Variants in APBA1 observed in about 807,000 individuals in gnomAD.
The protein encoded by APBA1 is amyloid-beta A4 precursor protein-binding family A member 1.
In APBA1, 55 loss-of-function variants were observed where a neutral mutation model predicts 86.6. The observed-to-expected ratio is 0.64, with a 90% CI of 0.51 to 0.80. The LOEUF is 0.80. Ranked by LOEUF, APBA1 falls within the 30% of genes least tolerant of loss-of-function variation. The pLI, the probability that APBA1 is intolerant of heterozygous loss-of-function variation, is 0.00. For missense variants in APBA1, 1,090 were observed against 1,183.0 expected (o/e 0.92, Z 1.15); for synonymous variants, 511 against 493.9 (o/e 1.03, Z -0.46).
intron 1 of APBA1, among the ~76,000 whole-genome samples, chr9:69,543,282 C>A (rs972996645): frequency 9.2e-4 from 5 of 5,442 alleles, no homozygotes; most frequent in African/African-American, 1.2e-3. Flanking sequence ...GATTTCCCCC[C>A]CCCCCCCCCG....
intron 1 of APBA1, among the ~76,000 whole-genome samples, chr9:69,574,456 T>C (rs753050165): frequency 6.6e-6 from 1 of 152,138 alleles, no homozygotes; most frequent in Non-Finnish European, 1.5e-5. Flanking sequence ...CTTGGATTAA[T>C]AAATTCACAT....
At chr9:69,542,943 A>C (rs984338478) in intron 1 of APBA1, among the ~76,000 whole-genome samples, 8 of 152,224 alleles carry the variant, frequency 5.3e-5, no homozygotes, top group Non-Finnish European at 8.8e-5. Flanking sequence ...CAAGTGAACC[A>C]GTTCTCGTTT....
intron 6 of APBA1, 53 bp from the exon 7 acceptor site, chr9:69,457,192 G>T: frequency 7.3e-7 from 1 of 1,369,078 alleles, no homozygotes; most frequent in Non-Finnish European, 1.0e-6. Context: ...CCCTGACCCA[G>T]ATGCAGAAGG....
chr9:69,493,979 G>GC (rs1564055058), intron 2 of APBA1, among the ~76,000 whole-genome samples: 1 of 151,290 alleles, frequency 6.6e-6, no homozygotes. Flanking sequence ...TATATGATAA[G>GC]TTTTTTTTTC....
chr9:69,435,807 T>G (rs1321257424), intron 11 of APBA1, among the ~76,000 whole-genome samples: 1 of 152,240 alleles, frequency 6.6e-6, no homozygotes, highest in African/African-American at 2.4e-5. Context: ...TAGATCCCAT[T>G]TGTCAATTAT....
chr9:69,577,909 A>C (rs1178486464), intron 1 of APBA1, among the ~76,000 whole-genome samples: 1 of 152,098 alleles, frequency 6.6e-6, no homozygotes, highest in Non-Finnish European at 1.5e-5. Flanking sequence ...CAATGCTCCC[A>C]GTGTGGCAGC....
chr9:69,481,801 C>T (rs985315692), intron 2 of APBA1, among the ~76,000 whole-genome samples: 71 of 151,832 alleles, frequency 4.7e-4, no homozygotes, highest in Non-Finnish European at 8.2e-4. Context: ...GAACAGAGCC[C>T]TCAGAAATAA....
intron 1 of APBA1, among the ~76,000 whole-genome samples, chr9:69,584,670 A>C (rs960483435): frequency 6.6e-6 from 1 of 152,244 alleles, no homozygotes; most frequent in Non-Finnish European, 1.5e-5. Context: ...AAACTTTAAC[A>C]TAGGTCCATT....
At chr9:69,620,152 A>C (rs1822787006) in intron 1 of APBA1, among the ~76,000 whole-genome samples, 1 of 152,210 alleles carries the variant, frequency 6.6e-6, no homozygotes, top group African/African-American at 2.4e-5. Flanking sequence ...TCTGGCAGTT[A>C]GTACTGGTAG....
At chr9:69,436,852 C>T (rs1232670768) in intron 11 of APBA1, among the ~76,000 whole-genome samples, 4 of 151,856 alleles carry the variant, frequency 2.6e-5, no homozygotes, top group Non-Finnish European at 5.9e-5. Flanking sequence ...CTGTCTTGTG[C>T]CAGTTTTCAA....
chr9:69,658,261 TTTC>T, intron 1 of APBA1, among the ~76,000 whole-genome samples: 1 of 20,194 alleles, frequency 5.0e-5, no homozygotes, highest in East Asian at 0.014. Flanking sequence ...TCTTTCTTTC[TTTC>T]TTTCTTTCTT....
At chr9:69,582,288 ATAAG>A (rs925283092) in intron 1 of APBA1, among the ~76,000 whole-genome samples, 7 of 152,194 alleles carry the variant, frequency 4.6e-5, no homozygotes, top group African/African-American at 1.4e-4. Flanking sequence ...AGGCTCGCTC[ATAAG>A]TAAGTTCCCC....
chr9:69,476,890 A>G (rs1835456718), intron 2 of APBA1, among the ~76,000 whole-genome samples: 1 of 152,200 alleles, frequency 6.6e-6, no homozygotes. Context: ...CTAGACGTGT[A>G]TAGGAAGCTC....
intron 8 of APBA1, among the ~76,000 whole-genome samples, chr9:69,452,980 GAA>G (rs760936478): frequency 2.0e-5 from 3 of 152,162 alleles, no homozygotes; most frequent in Non-Finnish European, 4.4e-5. Context: ...ATGTCAACTG[GAA>G]AGTTTATGAT....
At position 69,517,016 on chromosome 9, in the gene APBA1, G is replaced by T. The variant is rs1334663484; in HGVS notation, c.195C>A (p.Gly65=). Residue 65 remains glycine (G), a synonymous_variant, in exon 2 of 13, where the codon GGC becomes GGA. Coordinates refer to ENST00000265381, the MANE Select transcript of APBA1 (RefSeq NM_001163.4). ...RALEDLRAQL[G]QEEEERGECL... is the part of the protein sequence containing the mutation. ...ATTCCCCGCGCTCCTCTTCCTCCTG[G>T]CCGAGCTGGGCGCGGAGGTCCTCGA... 5.7e-6 allele frequency: 9 copies of T among 1,577,098 alleles called. No individual in the cohort carries two copies. Among genetic ancestry groups the T allele is most frequent in the Non-Finnish European group, 6.8e-6 (8 of 1,168,310 alleles).
At chr9:69,535,527 T>C (rs1231657336) in intron 1 of APBA1, among the ~76,000 whole-genome samples, 1 of 152,206 alleles carries the variant, frequency 6.6e-6, no homozygotes, top group African/African-American at 2.4e-5. Context: ...TGAAGAGCTG[T>C]GTCTTTCTTC....
chr9:69,502,256 G>T (rs1048585731), intron 2 of APBA1, among the ~76,000 whole-genome samples: 24 of 152,060 alleles, frequency 1.6e-4, no homozygotes, highest in Non-Finnish European at 3.2e-4. Flanking sequence ...TTTCTAGATG[G>T]TGATGGTCTG....
rs1437307897 is a variant in APBA1 at position 69,516,940 on chromosome 9, T to C, written c.271A>G (p.Thr91Ala). ...TESGFHNHTD[T>A]AEGDVIAAAR... Reference sequence around the variant, plus strand: ...GCGGCGATCACGTCGCCCTCGGCGGTGTCCGTGTGGTTGTGGAAGCCGCTC... The same window carrying C: ...GCGGCGATCACGTCGCCCTCGGCGGCGTCCGTGTGGTTGTGGAAGCCGCTC... Residue 91 changes from threonine (T) to alanine (A), a missense_variant, in exon 2 of 13, where the codon ACC (threonine) becomes GCC (alanine). Transcript: ENST00000265381. This position sits in a 1 kb window ranked among gnomAD's most constrained non-coding sequence, Gnocchi z 7.3. 1.3e-6 allele frequency: 2 copies of C among 1,594,224 alleles called. No homozygotes were observed. Among genetic ancestry groups the C allele is most frequent in the East Asian group, 2.2e-5 (1 of 44,680 alleles).
chr9:69,619,397 G>A (rs1333718903), intron 1 of APBA1, among the ~76,000 whole-genome samples: 2 of 152,130 alleles, frequency 1.3e-5, no homozygotes, highest in African/African-American at 2.4e-5. Context: ...TGCTATTTCG[G>A]CCCTACTATT....
Sources: gnomAD v4.1 joint callset for allele counts (sites outside exome capture counted in the v4.1 genomes callset) on GRCh38, gnomAD v4.1.1 for gene constraint, Gnocchi (gnomAD v3.1) non-coding constraint, MANE v1.5 for transcripts, NCBI Gene and HGNC (gene_info 2026-07-23, HGNC 2026-07-21) for gene names.